CARD8: variants seen among roughly 807,000 people sequenced by gnomAD.
CARD8 encodes the protein caspase recruitment domain family member 8.
A neutral mutation model predicts 53.2 loss-of-function variants in CARD8; 38 were observed. The ratio of observed to expected loss-of-function variants is 0.71; its 90% CI spans 0.55 to 0.94. CARD8 has a LOEUF of 0.94. Ranked by LOEUF, CARD8 falls within the 40% of genes least tolerant of loss-of-function variation. The probability of loss-of-function intolerance (pLI) is 0.00; values close to 1 mark genes in which losing one functional copy is unlikely to be tolerated. For missense variants in CARD8, 561 were observed against 655.5 expected, an observed-to-expected ratio of 0.86 and a Z score of 1.57; for synonymous variants, 245 against 244.9, an observed-to-expected ratio of 1.00 and a Z score of 0.00.
At chr19:48,226,409 C>T (rs2041801797) in intron 10 of CARD8, among the ~76,000 whole-genome samples, 1 of 151,964 alleles carries the variant, frequency 6.6e-6, no homozygotes, top group Non-Finnish European at 1.5e-5. Context: ...ATTTTTAGTA[C>T]AGATGGGGTT....
chr19:48,233,158 T>G, intron 6 of CARD8: 1 of 356,136 alleles, frequency 2.8e-6, no homozygotes, highest in South Asian at 2.2e-5. Context: ...CATCGGCGCT[T>G]TCAAAGCCTC....
At chr19:48,231,318 A>G (rs1016840724) in intron 8 of CARD8, among the ~76,000 whole-genome samples, 5 of 151,990 alleles carry the variant, frequency 3.3e-5, no homozygotes, top group African/African-American at 1.2e-4. Context: ...TTATTTATTT[A>G]TTTTGAGACA....
Position 48,232,016 on chromosome 19 carries a change from C to T in CARD8, c.392-206G>A, listed in dbSNP as rs1282776655. 1.5e-5 allele frequency: 10 copies of T among 664,792 alleles called. No homozygotes were observed. In the East Asian group the frequency reaches 2.9e-4, roughly 19 times the overall value. The allele number at this position is 664,792 out of a possible 1,614,324, so 41.2% of individuals were successfully genotyped here. A position where few individuals can be genotyped will look rare whatever the true frequency, so the allele number is the denominator to read the frequency against. Reference sequence around the variant, plus strand: ...TCCTTGTCATGACTAAACGTATACACCAAATTCCATAAGACTTTCTGGGAA... The same window carrying T: ...TCCTTGTCATGACTAAACGTATACATCAAATTCCATAAGACTTTCTGGGAA... On this transcript the variant is annotated intron_variant, in intron 7 of 13. Coordinates refer to ENST00000651546, the MANE Select transcript of CARD8 (RefSeq NM_001184900.3).
At chr19:48,253,033 G>C (rs942807286) in intron 1 of CARD8, among the ~76,000 whole-genome samples, 3 of 151,906 alleles carry the variant, frequency 2.0e-5, no homozygotes, top group Admixed American at 6.6e-5. Context: ...CTTATTCTTG[G>C]TACTATTTAA....
Position 48,234,482 on chromosome 19 carries a change from C to T in CARD8, c.271G>A (p.Glu91Lys), listed in dbSNP as rs766228374. Residue 91 changes from glutamate to lysine, a missense_variant, in exon 6 of 14, where the codon GAA (glutamate) becomes AAA (lysine). By Grantham distance (56) the Glu-to-Lys change is moderately conservative (BLOSUM62 1). Coordinates refer to ENST00000651546, the MANE Select transcript of CARD8 (RefSeq NM_001184900.3). Reference sequence around the variant, plus strand: ...GGCTCTGCCTCTGTCTCATCATCTTCTTGGAAAAAATGTGAGATGTCACAA... The same window carrying T: ...GGCTCTGCCTCTGTCTCATCATCTTTTTGGAAAAAATGTGAGATGTCACAA... ...TLCDISHFFQ[E>K]DDETEAEPLL... 28 of 1,613,908 alleles carry T rather than the reference C, an allele frequency of 1.7e-5. No homozygotes were observed. The highest frequency in any genetic ancestry group is 2.1e-5 in the Non-Finnish European group (25 of 1,179,898).
chr19:48,246,988 T>C (rs2046224875), intron 3 of CARD8, among the ~76,000 whole-genome samples: 1 of 152,222 alleles, frequency 6.6e-6, no homozygotes, highest in Non-Finnish European at 1.5e-5. Flanking sequence ...TACCTATGTA[T>C]GAACTCATGC....
intron 10 of CARD8, among the ~76,000 whole-genome samples, chr19:48,226,427 A>G (rs1488050361): frequency 6.6e-6 from 1 of 152,014 alleles, no homozygotes; most frequent in Admixed American, 6.6e-5. Context: ...GTTTCACCAT[A>G]TTGGCCAGGC....
At chr19:48,238,348 C>A in intron 5 of CARD8, 35 bp downstream of exon 5, 1 of 1,528,746 alleles carries the variant, frequency 6.5e-7, no homozygotes, top group East Asian at 2.4e-5. Context: ...AATTCCAAAT[C>A]TTTAATTTTT....
At chr19:48,219,563 C>A (rs2040065291) in intron 11 of CARD8, among the ~76,000 whole-genome samples, 1 of 152,050 alleles carries the variant, frequency 6.6e-6, no homozygotes, top group African/African-American at 2.4e-5. Context: ...GAAAACAAGC[C>A]CCCCGACCCA....
intron 13 of CARD8, chr19:48,215,076 C>T (rs1007151331): frequency 3.1e-6 from 1 of 320,856 alleles, no homozygotes; most frequent in African/African-American, 2.1e-5. Context: ...AGGCGTGAGC[C>T]ACTGCGCCTG....
intron 11 of CARD8, among the ~76,000 whole-genome samples, chr19:48,221,008 A>AAAAGAAAAAG (rs2040512451): frequency 2.5e-5 from 3 of 122,040 alleles, no homozygotes; most frequent in African/African-American, 1.1e-4. Context: ...GAAAGAAAGA[A>AAAAGAAAAAG]AAAGAAAGAA....
intron 6 of CARD8, chr19:48,233,378 T>C (rs1402038458): frequency 4.4e-6 from 2 of 456,142 alleles, no homozygotes; most frequent in East Asian, 1.4e-4. Context: ...AACTGACACG[T>C]GGATTAGGTT....
chr19:48,238,292 C>A, intron 5 of CARD8, 91 bp downstream of exon 5: 1 of 1,452,816 alleles, frequency 6.9e-7, no homozygotes, highest in East Asian at 2.5e-5. Flanking sequence ...TGCAAATAAC[C>A]TGCATGTCTT....
At chr19:48,247,126 C>T (rs1363335932) in intron 3 of CARD8, among the ~76,000 whole-genome samples, 1 of 152,174 alleles carries the variant, frequency 6.6e-6, no homozygotes, top group Non-Finnish European at 1.5e-5. Context: ...GAGTTCGAGA[C>T]CAGCCTGGCC....
chr19:48,242,148 G>A (rs532614521), intron 3 of CARD8, among the ~76,000 whole-genome samples: 2 of 152,304 alleles, frequency 1.3e-5, no homozygotes, highest in South Asian at 4.1e-4. Flanking sequence ...CTCCAAATGT[G>A]ATGATAGGAG....
Position 48,238,507 on chromosome 19 carries a change from C to A in CARD8, c.85G>T (p.Asp29Tyr). The A allele has an allele frequency of 2.0e-6, 3 of 1,536,512 alleles. No individual in the cohort carries two copies. Among genetic ancestry groups the A allele is most frequent in the Non-Finnish European group, 2.6e-6 (3 of 1,146,982 alleles). ...RRDSGSSRNI[D>Y]ASKLIRLQGS... is the part of the protein sequence containing the mutation. ...TGTAGTCTAATGAGTTTGGATGCAT[C>A]TATGTTCCTACTGGATCCACTGTCC... The change falls in exon 5 of 14, where the codon GAT becomes TAT. Residue 29 changes from aspartate to tyrosine, a missense_variant. Physicochemically the swap from Asp to Tyr is radical, Grantham distance 160. Transcript: ENST00000651546.
intron 3 of CARD8, among the ~76,000 whole-genome samples, chr19:48,242,349 C>T (rs541383820): frequency 1.3e-4 from 20 of 151,474 alleles, no homozygotes; most frequent in African/African-American, 4.1e-4. Context: ...GTGCCTTGAT[C>T]GTGGACTTCC....
intron 11 of CARD8, 31 bp from the exon 12 acceptor site, chr19:48,219,043 A>G: frequency 6.2e-7 from 1 of 1,612,060 alleles, no homozygotes. Context: ...GACTTGAAGC[A>G]GTGGAGGGTG....
intron 12 of CARD8, among the ~76,000 whole-genome samples, chr19:48,218,155 T>C (rs182696486): frequency 0.047 from 5,451 of 115,558 alleles, 329 homozygotes; most frequent in African/African-American, 0.14. Context: ...ACAATAGATT[T>C]CTCTTTTTTT....
Sources: allele counts gnomAD v4.1 joint callset (sites outside exome capture counted in the v4.1 genomes callset), GRCh38; gene constraint gnomAD v4.1.1; transcripts MANE v1.5; gene names NCBI Gene and HGNC (gene_info 2026-07-23, HGNC 2026-07-21).